The following PSMG2 variants were observed in gnomAD, a reference collection of about 807,000 sequenced individuals.
PSMG2 encodes CD40 ligand-activated specific transcript 3.
Under a neutral mutation model 31.5 loss-of-function variants are expected in PSMG2, and 21 were observed. The ratio of observed to expected loss-of-function variants is 0.67; its 90% CI spans 0.47 to 0.96. The LOEUF is 0.96. Among genes scored for constraint, PSMG2 ranks in the 40% least tolerant of loss-of-function variants. The probability of loss-of-function intolerance (pLI) is 0.00; values close to 1 mark genes in which losing one functional copy is unlikely to be tolerated. For missense variants in PSMG2, 318 were observed against 321.2 expected, an observed-to-expected ratio of 0.99 and a Z score of 0.08; for synonymous variants, 120 against 110.4, an observed-to-expected ratio of 1.09 and a Z score of -0.54.
intron 1 of PSMG2, among the ~76,000 whole-genome samples, chr18:12,659,405 G>A (rs990175349): frequency 2.6e-5 from 4 of 152,146 alleles, no homozygotes; most frequent in African/African-American, 9.7e-5. Flanking sequence ...CAGTGGCTTA[G>A]GCCTGTAATC....
chr18:12,663,298 G>A (rs2038736411), intron 1 of PSMG2, among the ~76,000 whole-genome samples: 1 of 152,164 alleles, frequency 6.6e-6, no homozygotes, highest in African/African-American at 2.4e-5. Context: ...TATTCTTTGA[G>A]ACAGGCTCTT....
At chr18:12,696,312 G>A (rs1383759677) in intron 1 of PSMG2, among the ~76,000 whole-genome samples, 2 of 152,032 alleles carry the variant, frequency 1.3e-5, no homozygotes, top group Non-Finnish European at 2.9e-5. Context: ...AGACCATCCC[G>A]GCCAACATGG....
chr18:12,674,441 T>TAAAA, intron 1 of PSMG2: 2 of 715,106 alleles, frequency 2.8e-6, no homozygotes, highest in Non-Finnish European at 4.3e-6. Flanking sequence ...GACCTTGAGT[T>TAAAA]AAAAAAAAAA....
intron 2 of PSMG2, among the ~76,000 whole-genome samples, chr18:12,707,385 C>T (rs962150540): frequency 3.9e-5 from 6 of 152,038 alleles, no homozygotes; most frequent in African/African-American, 9.7e-5. Flanking sequence ...TATGGAAAGG[C>T]GAAAAGTAGA....
upstream of PSMG2, chr18:12,702,825 C>T (rs2040205780): frequency 3.6e-6 from 2 of 562,424 alleles, no homozygotes; most frequent in Middle Eastern, 4.6e-4. Flanking sequence ...CCCGCCGCTC[C>T]ACCTCCCCGC....
At chr18:12,673,278 A>G in intron 1 of PSMG2, 1 of 1,487,600 alleles carries the variant, frequency 6.7e-7, no homozygotes, top group Non-Finnish European at 8.9e-7. Context: ...TGTGATTTTA[A>G]AATAACAAAC....
intron 1 of PSMG2, chr18:12,679,091 A>G (rs2039250631): frequency 6.6e-6 from 1 of 152,278 alleles, no homozygotes; most frequent in Non-Finnish European, 1.5e-5. Context: ...AAGAGGGCCC[A>G]GGGCTGGGCC....
Position 12,718,655 on chromosome 18 carries a change from A to G in PSMG2, c.407+20A>G. 1 of 1,549,418 alleles carries G rather than the reference A, an allele frequency of 6.5e-7. No homozygotes were observed. The highest frequency in any genetic ancestry group is 1.8e-5 in the Admixed American group (1 of 54,072). On this transcript the variant is annotated intron_variant, in intron 4 of 6. Transcript: ENST00000317615. ...TCGTAGGTATGTTTCTGCCTCTGGA[A>G]AGTTATTTTTGGTATGGTTTATACT... is the stretch of plus-strand genomic sequence containing the variant.
At chr18:12,714,602 T>C (rs2040361250) in intron 3 of PSMG2, among the ~76,000 whole-genome samples, 1 of 151,376 alleles carries the variant, frequency 6.6e-6, no homozygotes, top group Non-Finnish European at 1.5e-5. Flanking sequence ...CAAGCCATTC[T>C]CCAACCTCAC....
At chr18:12,699,453 A>C (rs1247728752), upstream of PSMG2, among the ~76,000 whole-genome samples, 1 of 152,172 alleles carries the variant, frequency 6.6e-6, no homozygotes, top group African/African-American at 2.4e-5. Flanking sequence ...AAGGCATCAG[A>C]GCCAATATGT....
intron 1 of PSMG2, chr18:12,686,484 T>A (rs2039543990): frequency 7.0e-7 from 1 of 1,435,860 alleles, no homozygotes; most frequent in Non-Finnish European, 9.6e-7. Flanking sequence ...TGTAATGACA[T>A]ATTAATCATC....
At chr18:12,672,970 T>C in intron 1 of PSMG2, 5 of 986,982 alleles carry the variant, frequency 5.1e-6, no homozygotes, top group Non-Finnish European at 6.0e-6. Flanking sequence ...ATAATTCCAT[T>C]AACCTGTGAA....
At chr18:12,709,354 T>C (rs1340327612) in intron 2 of PSMG2, among the ~76,000 whole-genome samples, 1 of 150,188 alleles carries the variant, frequency 6.7e-6, no homozygotes, top group Non-Finnish European at 1.5e-5. Context: ...TGAGATGGAG[T>C]CTCACTCCGT....
Position 12,681,071 on chromosome 18 carries a change from CACCATTAGTCCCAGCT to C in PSMG2, c.-37+22301_-37+22316del, listed in dbSNP as rs1169119926. Among the ~76,000 whole-genome samples, 4 of 151,784 alleles carry C rather than the reference CACCATTAGTCCCAGCT, an allele frequency of 2.6e-5. No homozygotes were observed. In the East Asian group the frequency reaches 7.8e-4, roughly 30 times the overall value. ...AAAATTAGCCGGGTGTGGTAGCACA[CACCATTAGTCCCAGCT>C]ACTCAGGAGGCGAGGCAAGAGAATC... On this transcript the variant is annotated intron_variant, in intron 1 of 6. Transcript: ENST00000585331.
intron 2 of PSMG2, 64 bp from the exon 3 acceptor site, chr18:12,712,638 C>A: frequency 8.1e-7 from 1 of 1,229,892 alleles, no homozygotes; most frequent in Non-Finnish European, 1.2e-6. Context: ...TTTTGTTTAT[C>A]ATAATAATTT....
intron 5 of PSMG2, among the ~76,000 whole-genome samples, chr18:12,722,460 A>C (rs776958530): frequency 9.8e-5 from 15 of 152,286 alleles, no homozygotes; most frequent in Non-Finnish European, 1.6e-4. Flanking sequence ...ATCCGAGGGC[A>C]GGGGTGCTGC....
chr18:12,693,731 C>T (rs1268816034), intron 1 of PSMG2, among the ~76,000 whole-genome samples: 2 of 152,014 alleles, frequency 1.3e-5, no homozygotes, highest in African/African-American at 4.8e-5. Context: ...TGCAGTGAGC[C>T]AAGATTGCGC....
intron 5 of PSMG2, 179 bp from the exon 6 acceptor site, chr18:12,724,320 C>T (rs2040455600): frequency 1.8e-6 from 1 of 558,806 alleles, no homozygotes; most frequent in African/African-American, 2.0e-5. Context: ...GTTACAGGGG[C>T]CTGCTCTCAC....
chr18:12,673,614 T>C, intron 1 of PSMG2: 1 of 799,920 alleles, frequency 1.3e-6, no homozygotes, highest in Non-Finnish European at 1.9e-6. Flanking sequence ...GCGTGGTGGC[T>C]CATGCCTGTA....
Sources: gnomAD v4.1 joint callset for allele counts (sites outside exome capture counted in the v4.1 genomes callset) on GRCh38, gnomAD v4.1.1 for gene constraint, MANE v1.5 for transcripts, NCBI Gene and HGNC (gene_info 2026-07-23, HGNC 2026-07-21) for gene names.